Variants in LYPLAL1 observed in about 807,000 individuals in gnomAD.
LYPLAL1 encodes the protein lysophospholipase-like protein 1.
A neutral mutation model predicts 19.7 loss-of-function variants in LYPLAL1; 23 were observed. That is an observed-to-expected ratio of 1.17 (90% confidence interval 0.84 to 1.65). The LOEUF (loss-of-function observed/expected upper bound fraction) is 1.65. Ranked by LOEUF, LYPLAL1 falls within the 40% of genes most tolerant of loss-of-function variation. The pLI, the probability that LYPLAL1 is intolerant of heterozygous loss-of-function variation, is 0.00. For synonymous variants in LYPLAL1, 119 were observed against 96.3 expected (o/e 1.24, Z -1.38); for missense variants, 355 against 279.4 (o/e 1.27, Z -1.93).
chr1:219,177,541 T>A (rs1010726093), intron 1 of LYPLAL1, among the ~76,000 whole-genome samples: 1 of 152,162 alleles, frequency 6.6e-6, no homozygotes, highest in Non-Finnish European at 1.5e-5. Context: ...GCCTGTTGCT[T>A]ATGTTTCCTG....
downstream of LYPLAL1, among the ~76,000 whole-genome samples, chr1:219,217,419 G>A (rs1191245947): frequency 2.4e-5 from 1 of 41,206 alleles, no homozygotes; most frequent in Non-Finnish European, 5.8e-5. Context: ...AGAGATGGTT[G>A]TAAATCTTTC....
the LYPLAL1 span, among the ~76,000 whole-genome samples, chr1:219,404,403 T>G: frequency 6.6e-6 from 1 of 152,246 alleles, no homozygotes. Flanking sequence ...TATGTCATTT[T>G]GTAAATAAGG....
chr1:219,245,489 T>C, the LYPLAL1 span, among the ~76,000 whole-genome samples: 1 of 152,180 alleles, frequency 6.6e-6, no homozygotes, highest in Non-Finnish European at 1.5e-5. Flanking sequence ...ATAAGAATGA[T>C]AAATTGGAAG....
At chr1:219,409,996 T>A in the LYPLAL1 span, 1 of 152,222 alleles carries the variant, frequency 6.6e-6, no homozygotes, top group Non-Finnish European at 1.5e-5. Flanking sequence ...TTTTACTCTT[T>A]CGGATGTGAA....
At chr1:219,354,660 C>T in the LYPLAL1 span, among the ~76,000 whole-genome samples, 26 of 152,310 alleles carry the variant, frequency 1.7e-4, no homozygotes, top group African/African-American at 4.6e-4. Context: ...GAAAACAACG[C>T]ATTATGTACT....
At chr1:219,277,228 G>A in the LYPLAL1 span, among the ~76,000 whole-genome samples, 3 of 152,082 alleles carry the variant, frequency 2.0e-5, no homozygotes, top group Admixed American at 2.0e-4. Flanking sequence ...TTTACAAGGG[G>A]TCATGCTCCC....
At chr1:219,218,336 G>T in the LYPLAL1 span, among the ~76,000 whole-genome samples, 2 of 151,950 alleles carry the variant, frequency 1.3e-5, no homozygotes, top group African/African-American at 4.8e-5. Context: ...CAAGAGCACA[G>T]AATTAGCAAA....
At chr1:219,370,628 G>C in the LYPLAL1 span, among the ~76,000 whole-genome samples, 13 of 152,190 alleles carry the variant, frequency 8.5e-5, no homozygotes, top group African/African-American at 3.1e-4. Flanking sequence ...AGATTTAGCT[G>C]TTGGTTTGGG....
At chr1:219,433,124 C>T in the LYPLAL1 span, among the ~76,000 whole-genome samples, 1 of 152,154 alleles carries the variant, frequency 6.6e-6, no homozygotes, top group Non-Finnish European at 1.5e-5. Flanking sequence ...TGAAGGACAT[C>T]CTGTTTCTAG....
At chr1:219,411,376 T>C in the LYPLAL1 span, among the ~76,000 whole-genome samples, 2 of 152,130 alleles carry the variant, frequency 1.3e-5, no homozygotes, top group Non-Finnish European at 2.9e-5. Flanking sequence ...AATGCACCAA[T>C]CAACACTGTA....
the LYPLAL1 span, among the ~76,000 whole-genome samples, chr1:219,229,395 AGG>A: frequency 6.7e-6 from 1 of 149,916 alleles, no homozygotes; most frequent in Non-Finnish European, 1.5e-5. Context: ...AATTGGAGGA[AGG>A]ACAGGGAGTG....
the LYPLAL1 span, among the ~76,000 whole-genome samples, chr1:219,402,040 G>A: frequency 2.0e-5 from 3 of 152,080 alleles, no homozygotes; most frequent in African/African-American, 7.2e-5. Flanking sequence ...TACCCACTGG[G>A]TCTTTCTTGG....
chr1:219,360,703 C>T, the LYPLAL1 span, among the ~76,000 whole-genome samples: 1 of 152,114 alleles, frequency 6.6e-6, no homozygotes, highest in African/African-American at 2.4e-5. Flanking sequence ...TAAGAGGACA[C>T]TTGCTGCTCA....
At chr1:219,439,390 A>G in the LYPLAL1 span, among the ~76,000 whole-genome samples, 1 of 152,142 alleles carries the variant, frequency 6.6e-6, no homozygotes, top group Non-Finnish European at 1.5e-5. Flanking sequence ...ACACCTCCTC[A>G]TGAATCACTC....
the LYPLAL1 span, chr1:219,411,838 G>GT: frequency 6.0e-6 from 1 of 167,506 alleles, no homozygotes; most frequent in South Asian, 1.9e-4. Flanking sequence ...CTTAAGAGCT[G>GT]TAACACTCAC....
At chr1:219,326,391 C>G in the LYPLAL1 span, among the ~76,000 whole-genome samples, 5 of 152,224 alleles carry the variant, frequency 3.3e-5, no homozygotes, top group Middle Eastern at 3.4e-3. Context: ...AATTGCAATA[C>G]TGGCAGGGCT....
At chr1:219,234,920 A>T in the LYPLAL1 span, among the ~76,000 whole-genome samples, 1 of 152,176 alleles carries the variant, frequency 6.6e-6, no homozygotes, top group African/African-American at 2.4e-5. Flanking sequence ...TCTTTTAAAA[A>T]TTTTTTAAGT....
Position 219,210,725 on chromosome 1 carries a change from A to T in LYPLAL1, c.477+78A>T, listed in dbSNP as rs572985397. ...AAAACTAAAGCAAAATCGGTAATAA[A>T]GCTGTAAAACACACACACAGTTGAT... On this transcript the variant is annotated intron_variant, in intron 4 of 4. Coordinates refer to ENST00000366928, the MANE Select transcript of LYPLAL1 (RefSeq NM_138794.5). 3.0e-5 allele frequency: 41 copies of T among 1,364,484 alleles called. No individual in the cohort carries two copies. The African/African-American group carries it at 5.0e-4, about 17-fold the overall frequency. The allele number at this position is 1,364,484 out of a possible 1,614,324, so 84.5% of individuals were successfully genotyped here.
the LYPLAL1 span, among the ~76,000 whole-genome samples, chr1:219,241,126 C>CTATATATATATA: frequency 1.1e-5 from 1 of 89,342 alleles, no homozygotes; most frequent in African/African-American, 3.7e-5. Flanking sequence ...CTCTCTCTCT[C>CTATATATATATA]TCTCTCTCTA....
Sources: gnomAD v4.1 joint callset for allele counts (sites outside exome capture counted in the v4.1 genomes callset) on GRCh38, gnomAD v4.1.1 for gene constraint, MANE v1.5 for transcripts, NCBI Gene and HGNC (gene_info 2026-07-23, HGNC 2026-07-21) for gene names.